ADGRV1: variants seen among roughly 807,000 people sequenced by gnomAD.
The protein encoded by ADGRV1 is G-protein coupled receptor 98.
Under a neutral mutation model 596.2 loss-of-function variants are expected in ADGRV1, and 359 were observed. The ratio of observed to expected loss-of-function variants is 0.60; its 90% CI spans 0.55 to 0.66. The LOEUF is 0.66. ADGRV1 is among the 30% of genes least tolerant of loss of function. The pLI, the probability that ADGRV1 is intolerant of heterozygous loss-of-function variation, is 0.00. For missense variants in ADGRV1, 7,274 were observed against 7,575.6 expected (o/e 0.96, Z 1.48); for synonymous variants, 2,681 against 2,679.2 (o/e 1.00, Z -0.02).
chr5:90,578,560 G>A (rs1476629700), intron 1 of ADGRV1, among the ~76,000 whole-genome samples: 1 of 152,148 alleles, frequency 6.6e-6, no homozygotes, highest in African/African-American at 2.4e-5. Flanking sequence ...CAGGGATATT[G>A]GTCTAAAATT....
chr5:91,104,207 T>C (rs1368021828), intron 87 of ADGRV1, among the ~76,000 whole-genome samples: 1 of 152,216 alleles, frequency 6.6e-6, no homozygotes, highest in African/African-American at 2.4e-5. Context: ...TAGGTTATTG[T>C]TATATTTCAG....
chr5:91,093,846 CGTAA>C (rs71848194), intron 86 of ADGRV1, among the ~76,000 whole-genome samples: 2,675 of 148,714 alleles, frequency 0.018, 73 homozygotes, highest in African/African-American at 0.063. Context: ...TGTATACATA[CGTAA>C]GTTTTTTTTT....
Position 90,693,906 on chromosome 5 carries a change from C to T in ADGRV1, c.7150C>T (p.Arg2384Trp), listed in dbSNP as rs377475657. The T allele has an allele frequency of 2.9e-5, 45 of 1,555,046 alleles. No individual in the cohort carries two copies. Among genetic ancestry groups the T allele is most frequent in the African/African-American group, 2.7e-4 (20 of 73,256 alleles). Residue 2384 changes from arginine to tryptophan, a missense_variant, in exon 33 of 90, where the codon CGG becomes TGG. This residue lies in a region of ADGRV1 where 3,643 missense variants were observed against 3,809.2 expected (regional missense o/e 0.96). Transcript: ENST00000405460. Reference sequence around the variant, plus strand: ...ACATTTTAGCGGAGGGCACTTTGGTCGGCTGTTGTTGTTCTACAGTACTTC... The same window carrying T: ...ACATTTTAGCGGAGGGCACTTTGGTTGGCTGTTGTTGTTCTACAGTACTTC... ...TVRRSGGHFG[R>W]LLLFYSTSDI... is the part of the protein sequence containing the mutation.
At chr5:90,989,370 C>A (rs1780777470) in intron 85 of ADGRV1, among the ~76,000 whole-genome samples, 1 of 152,224 alleles carries the variant, frequency 6.6e-6, no homozygotes, top group South Asian at 2.1e-4. Flanking sequence ...TATCCACCCA[C>A]ATACACAGGT....
chr5:91,025,117 T>C lies in ADGRV1; in HGVS notation c.18152+39595T>C, dbSNP rs1408226197. On this transcript the variant is annotated intron_variant, in intron 85 of 89. Transcript: ENST00000405460. ...ATCATCACAAAAGACCTGCCACATA[T>C]TAATTACGGTATAACTCCTCTTCTG... is the stretch of plus-strand genomic sequence containing the variant. Among the ~76,000 whole-genome samples the C allele has an allele frequency of 2.6e-5, 4 of 152,144 alleles. No individual in the cohort carries two copies. The South Asian group carries it at 6.2e-4, about 24-fold the overall frequency.
chr5:90,711,674 T>C (rs1284890978), intron 41 of ADGRV1, among the ~76,000 whole-genome samples: 1 of 152,186 alleles, frequency 6.6e-6, no homozygotes, highest in African/African-American at 2.4e-5. Flanking sequence ...AACTCTTTCA[T>C]TTCTTTGTTT....
chr5:90,795,688 G>C (rs1214428306), intron 70 of ADGRV1, among the ~76,000 whole-genome samples: 1 of 152,204 alleles, frequency 6.6e-6, no homozygotes, highest in Non-Finnish European at 1.5e-5. Context: ...CCTGACCCCC[G>C]TGTATCCTGA....
chr5:90,929,863 G>C (rs928292740), intron 83 of ADGRV1, among the ~76,000 whole-genome samples: 1 of 151,972 alleles, frequency 6.6e-6, no homozygotes, highest in African/African-American at 2.4e-5. Flanking sequence ...TCTGTACAAC[G>C]TTAAGGAAAG....
At chr5:91,086,356 C>T (rs1789875089) in intron 86 of ADGRV1, among the ~76,000 whole-genome samples, 1 of 152,116 alleles carries the variant, frequency 6.6e-6, no homozygotes, top group Admixed American at 6.6e-5. Flanking sequence ...AACTTTGCTC[C>T]TCTGCCTTAT....
Position 90,840,647 on chromosome 5 carries a change from A to G in ADGRV1, c.16681A>G (p.Ile5561Val), listed in dbSNP as rs1765344173. The change falls in exon 78 of 90, where the codon ATA becomes GTA. Residue 5561 changes from isoleucine to valine, a missense_variant. This residue lies in a region of ADGRV1 where 1,874 missense variants were observed against 1,970.2 expected (regional missense o/e 0.95). Coordinates refer to ENST00000405460, the MANE Select transcript of ADGRV1 (RefSeq NM_032119.4). The stretch of plus-strand genomic sequence containing the variant: ...AGCTATTTCTGGAAAGGATTTTGTG[A>G]TAACTGAAGGCACATTGGTCTTTGA... ...SPAISGKDFVITEGTLVFEPG... is the reference protein window; with the variant it reads ...SPAISGKDFVVTEGTLVFEPG... 2 of 1,613,864 alleles carry G rather than the reference A, an allele frequency of 1.2e-6. No individual in the cohort carries two copies. The highest frequency in any genetic ancestry group is 2.2e-5 in the East Asian group (1 of 44,874).
At chr5:90,625,493 A>G (rs964098565) in intron 6 of ADGRV1, 1 of 305,894 alleles carries the variant, frequency 3.3e-6, no homozygotes, top group African/African-American at 2.1e-5. Context: ...CTGGTAATCA[A>G]TTTTTGTTAG....
chr5:90,868,926 C>CT (rs1285216201), intron 83 of ADGRV1, among the ~76,000 whole-genome samples: 1 of 152,040 alleles, frequency 6.6e-6, no homozygotes, highest in East Asian at 1.9e-4. Context: ...TGAGCCAGAC[C>CT]CGCATCTCAG....
chr5:90,902,655 C>G (rs4382198), intron 83 of ADGRV1, among the ~76,000 whole-genome samples: 27,784 of 152,010 alleles, frequency 0.18, 3,883 homozygotes, highest in African/African-American at 0.38. Context: ...CATTTTTAAG[C>G]GATGATAACA....
chr5:90,735,272 C>G (rs1003900200), intron 50 of ADGRV1, among the ~76,000 whole-genome samples: 1 of 152,182 alleles, frequency 6.6e-6, no homozygotes, highest in Non-Finnish European at 1.5e-5. Context: ...TGAATAGACT[C>G]TCTTTCTTCA....
At chr5:90,666,647 G>C (rs528118861) in intron 21 of ADGRV1, among the ~76,000 whole-genome samples, 1 of 144,912 alleles carries the variant, frequency 6.9e-6, no homozygotes, top group African/African-American at 2.6e-5. Flanking sequence ...ATTTGATCCT[G>C]TCATTATGAT....
chr5:90,681,172 C>T (rs1176889186), intron 26 of ADGRV1, 143 bp from the exon 27 acceptor site: 2 of 852,108 alleles, frequency 2.3e-6, no homozygotes, highest in Middle Eastern at 3.4e-4. Context: ...CCATTTGTGT[C>T]TGCCTTTCTT....
rs376365818 is a variant in ADGRV1, at chr5:90,753,598, C to T, written c.11146C>T (p.Leu3716=). ...GATTTTATTTACTGAAGGCCAGGTA[C>T]TGTCAACAATCACTCTAACTATTCT... The part of the protein sequence containing the change: ...GVILFTEGQV[L]STITLTILAD... Residue 3716 remains leucine (L), a synonymous_variant, in exon 54 of 90, where the codon CTG becomes TTG. Coordinates refer to ENST00000405460, the MANE Select transcript of ADGRV1 (RefSeq NM_032119.4). 38 of 1,609,002 alleles carry T rather than the reference C, an allele frequency of 2.4e-5. No homozygotes were observed. In the South Asian group the frequency reaches 4.1e-4, roughly 17 times the overall value.
chr5:90,784,797 A>T (rs926058136), intron 67 of ADGRV1, among the ~76,000 whole-genome samples: 1 of 152,216 alleles, frequency 6.6e-6, no homozygotes, highest in Non-Finnish European at 1.5e-5. Flanking sequence ...AGAACATTCC[A>T]TGCTCATGGA....
chr5:90,850,459 G>A (rs1358765629), intron 79 of ADGRV1, among the ~76,000 whole-genome samples: 2 of 152,128 alleles, frequency 1.3e-5, no homozygotes, highest in African/African-American at 4.8e-5. Context: ...TGTCTCTAAT[G>A]CTGTCTTCAG....
Sources: gnomAD v4.1 joint callset for allele counts (sites outside exome capture counted in the v4.1 genomes callset) on GRCh38, gnomAD v4.1.1 for gene constraint, gnomAD v4.1.1 regional missense constraint, MANE v1.5 for transcripts, NCBI Gene and HGNC (gene_info 2026-07-23, HGNC 2026-07-21) for gene names.